CAMK1D: variants seen among roughly 807,000 people sequenced by gnomAD.
CAMK1D encodes calcium/calmodulin dependent protein kinase ID.
A neutral mutation model predicts 47.7 loss-of-function variants in CAMK1D; 9 were observed. The ratio of observed to expected loss-of-function variants is 0.19; its 90% confidence interval spans 0.11 to 0.33. The LOEUF (loss-of-function observed/expected upper bound fraction) is 0.33, where lower values mean the gene tolerates loss of function less well. Ranked by LOEUF, CAMK1D falls within the 10% of genes least tolerant of loss-of-function variation. The probability of loss-of-function intolerance (pLI) is 1.00; values close to 1 mark genes in which losing one functional copy is unlikely to be tolerated. For missense variants in CAMK1D, 291 were observed against 488.7 expected (o/e 0.60, Z 3.81); for synonymous variants, 184 against 184.9 (o/e 0.99, Z 0.04).
At chr10:12,724,803 G>A (rs968600314) in intron 3 of CAMK1D, among the ~76,000 whole-genome samples, 1 of 151,890 alleles carries the variant, frequency 6.6e-6, no homozygotes, top group African/African-American at 2.4e-5. Flanking sequence ...AATGTGATCC[G>A]TCTGAGTTGG....
intron 1 of CAMK1D, among the ~76,000 whole-genome samples, chr10:12,440,029 C>T (rs762914904): frequency 1.3e-5 from 2 of 152,170 alleles, no homozygotes; most frequent in Non-Finnish European, 2.9e-5. Flanking sequence ...AGTGAACTCC[C>T]ACTGGGTCCC....
chr10:12,671,453 C>G (rs1406757911), intron 3 of CAMK1D, among the ~76,000 whole-genome samples: 1 of 151,944 alleles, frequency 6.6e-6, no homozygotes, highest in African/African-American at 2.4e-5. Flanking sequence ...TTCTCTACAT[C>G]CTTATTAACA....
rs1006153374 is a variant in CAMK1D, at chr10:12,766,026, C to T, written c.439-3647C>T. ...TGTTGCCCAGACTGGAGTGCAATGG[C>T]GCAATCTCAACTCTCTGCAACCTCT... On this transcript the variant is annotated intron_variant, in intron 4 of 10. Coordinates refer to ENST00000619168, the MANE Select transcript of CAMK1D (RefSeq NM_153498.4). Among the ~76,000 whole-genome samples, 4 of 140,984 alleles carry T rather than the reference C, an allele frequency of 2.8e-5. No homozygotes were observed. The South Asian group carries it at 6.7e-4, about 24-fold the overall frequency. The allele number at this position is 140,984 out of a possible 152,430, so 92.5% of individuals were successfully genotyped here.
chr10:12,699,639 G>A (rs771131290), intron 3 of CAMK1D, among the ~76,000 whole-genome samples: 5 of 151,056 alleles, frequency 3.3e-5, no homozygotes, highest in Non-Finnish European at 7.4e-5. Flanking sequence ...TACAGTTAGG[G>A]CTGTAACTTG....
At chr10:12,532,428 C>G (rs1449508224) in intron 1 of CAMK1D, among the ~76,000 whole-genome samples, 1 of 151,990 alleles carries the variant, frequency 6.6e-6, no homozygotes, top group African/African-American at 2.4e-5. Flanking sequence ...TACAGGCGCC[C>G]GCCACTACGC....
chr10:12,707,993 T>A (rs1833792279), intron 3 of CAMK1D, among the ~76,000 whole-genome samples: 1 of 152,218 alleles, frequency 6.6e-6, no homozygotes, highest in Admixed American at 6.5e-5. Flanking sequence ...CGTGGAATCC[T>A]ATGATAGACT....
intron 5 of CAMK1D, among the ~76,000 whole-genome samples, chr10:12,790,007 G>A (rs1837908310): frequency 6.6e-6 from 1 of 152,236 alleles, no homozygotes; most frequent in Non-Finnish European, 1.5e-5. Flanking sequence ...AGAGTGGGTG[G>A]GTAGCCAATG....
intron 3 of CAMK1D, among the ~76,000 whole-genome samples, chr10:12,684,854 G>A (rs1457649272): frequency 6.6e-6 from 1 of 151,990 alleles, no homozygotes; most frequent in Non-Finnish European, 1.5e-5. Context: ...AAAGTTTACT[G>A]TATAAAACAG....
intron 2 of CAMK1D, among the ~76,000 whole-genome samples, chr10:12,553,769 G>A (rs187799707): frequency 1.3e-5 from 2 of 152,292 alleles, no homozygotes; most frequent in East Asian, 1.9e-4. Flanking sequence ...TGCAGCACTC[G>A]CCACATAGGA....
At position 12,834,839 on chromosome 10, in the gene CAMK1D, C is replaced by G. The variant is rs1037157711; in HGVS notation, c.*5952C>G. 1.3e-5 allele frequency: 2 copies of G among 152,106 alleles called. No individual in the cohort carries two copies. The highest frequency in any genetic ancestry group is 1.9e-4 in the East Asian group (1 of 5,172). 9.4% of individuals were successfully genotyped at this position (152,106 alleles called of 1,614,324 possible). On this transcript the variant is annotated 3_prime_UTR_variant, in exon 11 of 11. Coordinates refer to ENST00000619168, the MANE Select transcript of CAMK1D (RefSeq NM_153498.4). ...TCAGATTCCCAGGCTCTCCTGGAAG[C>G]CCTGCACTTCAGGGCACAGGGGCCC... is the stretch of plus-strand genomic sequence containing the variant.
intron 8 of CAMK1D, among the ~76,000 whole-genome samples, chr10:12,821,180 T>G (rs1832998581): frequency 6.6e-6 from 1 of 152,318 alleles, no homozygotes; most frequent in East Asian, 1.9e-4. Context: ...TTCCTGTTTT[T>G]CATGAGGGCC....
chr10:12,790,071 C>T (rs6602619), intron 5 of CAMK1D, among the ~76,000 whole-genome samples: 57,502 of 152,118 alleles, frequency 0.38, 11,508 homozygotes, highest in East Asian at 0.62. Context: ...ATAGAACAAG[C>T]CCCAAGGCCA....
chr10:12,699,643 T>C (rs1296293177), intron 3 of CAMK1D, among the ~76,000 whole-genome samples: 1 of 151,050 alleles, frequency 6.6e-6, no homozygotes, highest in African/African-American at 2.4e-5. Flanking sequence ...GTTAGGGCTG[T>C]AACTTGAAAA....
intron 3 of CAMK1D, among the ~76,000 whole-genome samples, chr10:12,669,339 G>T (rs1173538308): frequency 6.6e-6 from 1 of 152,086 alleles, no homozygotes; most frequent in Admixed American, 6.5e-5. Context: ...AACTGTTGGG[G>T]GACATCGTAT....
rs551317786 is a variant in CAMK1D at position 12,456,817 on chromosome 10, T to G, written c.93-96408T>G. On this transcript the variant is annotated intron_variant, in intron 1 of 10. Transcript: ENST00000619168. ...TCTACCTTTTTATAGCACCTAACAGTACTTTTAAACAACCCTACAGGAGGG... is the reference window on the plus strand; with the variant it reads ...TCTACCTTTTTATAGCACCTAACAGGACTTTTAAACAACCCTACAGGAGGG... Among the ~76,000 whole-genome samples the G allele has an allele frequency of 2.2e-5, 3 of 138,310 alleles. No individual in the cohort carries two copies. The South Asian group carries it at 7.0e-4, about 32-fold the overall frequency. 90.7% of individuals were successfully genotyped at this position (138,310 alleles called of 152,430 possible).
chr10:12,824,425 G>T (rs1485453480), intron 8 of CAMK1D, 40 bp from the exon 9 acceptor site: 13 of 1,574,292 alleles, frequency 8.3e-6, no homozygotes, highest in Non-Finnish European at 1.1e-5. Context: ...TCAGGGCCCA[G>T]AAGAAGCACT....
Position 12,506,817 on chromosome 10 carries a change from C to T in CAMK1D, c.93-46408C>T, listed in dbSNP as rs142979962. 3.3e-4 allele frequency among the ~76,000 whole-genome samples: 51 copies of T among 152,330 alleles called. 1 individual carries two copies. In the East Asian group the frequency reaches 8.1e-3, roughly 24 times the overall value. On this transcript the variant is annotated intron_variant, in intron 1 of 10. Coordinates refer to ENST00000619168, the MANE Select transcript of CAMK1D (RefSeq NM_153498.4). ...ACAGGCGTGAGCCACCGCGCCCGGCCTGGGCTCTTTCATGCCCACCTAGCC... is the reference window on the plus strand; with the variant it reads ...ACAGGCGTGAGCCACCGCGCCCGGCTTGGGCTCTTTCATGCCCACCTAGCC...
At chr10:12,385,053 A>G (rs571630824) in intron 1 of CAMK1D, among the ~76,000 whole-genome samples, 1 of 152,360 alleles carries the variant, frequency 6.6e-6, no homozygotes, top group African/African-American at 2.4e-5. Context: ...CCACAATTAG[A>G]TGTCACTTCA....
chr10:12,694,293 ATATT>A (rs1161034094), intron 3 of CAMK1D, among the ~76,000 whole-genome samples: 1 of 78,720 alleles, frequency 1.3e-5, no homozygotes, highest in African/African-American at 5.2e-5. Flanking sequence ...TATAAAATAT[ATATT>A]ATATATAAAA....
Sources: gnomAD v4.1 joint callset for allele counts (sites outside exome capture counted in the v4.1 genomes callset) on GRCh38, gnomAD v4.1.1 for gene constraint, MANE v1.5 for transcripts, NCBI Gene and HGNC (gene_info 2026-07-23, HGNC 2026-07-21) for gene names.